The following TAFA1 variants were observed in gnomAD, a reference collection of about 807,000 sequenced individuals.
TAFA1 encodes chemokine-like protein TAFA-1.
A neutral mutation model predicts 18.5 loss-of-function variants in TAFA1; 4 were observed. The observed-to-expected ratio is 0.22, with a 90% CI of 0.11 to 0.49. The LOEUF is 0.49. TAFA1 is among the 20% of genes least tolerant of loss of function. The probability of loss-of-function intolerance (pLI) is 0.98; values close to 1 mark genes in which losing one functional copy is unlikely to be tolerated. For missense variants in TAFA1, 147 were observed against 169.0 expected (o/e 0.87, Z 0.72); for synonymous variants, 56 against 55.2 (o/e 1.01, Z -0.06).
chr3:68,476,164 C>A (rs1342928421), intron 3 of TAFA1, among the ~76,000 whole-genome samples: 1 of 152,132 alleles, frequency 6.6e-6, no homozygotes, highest in Non-Finnish European at 1.5e-5. Flanking sequence ...CCAAAACTGA[C>A]AAATAGGATC....
At chr3:68,085,470 A>G (rs555118376) in intron 2 of TAFA1, among the ~76,000 whole-genome samples, 14 of 152,320 alleles carry the variant, frequency 9.2e-5, no homozygotes, top group Admixed American at 2.6e-4. Flanking sequence ...TAATGCCTGA[A>G]TTAGAGTGGG....
chr3:68,485,069 A>G (rs1321237039), intron 3 of TAFA1, among the ~76,000 whole-genome samples: 2 of 152,224 alleles, frequency 1.3e-5, no homozygotes, highest in African/African-American at 4.8e-5. Context: ...CTGTATCTAC[A>G]CACAAAGTAG....
intron 2 of TAFA1, among the ~76,000 whole-genome samples, chr3:68,245,968 G>A (rs2067069563): frequency 6.6e-6 from 1 of 152,160 alleles, no homozygotes; most frequent in Non-Finnish European, 1.5e-5. Flanking sequence ...AGGTAATAAA[G>A]TGACTCAAAA....
chr3:68,221,956 C>T (rs542264066), intron 2 of TAFA1, among the ~76,000 whole-genome samples: 8 of 152,198 alleles, frequency 5.3e-5, no homozygotes, highest in Admixed American at 3.9e-4. Flanking sequence ...GGAATGGCAC[C>T]TGGAAGGTGT....
At chr3:68,268,134 C>T (rs1192422304) in intron 2 of TAFA1, among the ~76,000 whole-genome samples, 1 of 152,078 alleles carries the variant, frequency 6.6e-6, no homozygotes. Context: ...TCTTTTATAA[C>T]ATCATCTTCC....
At chr3:68,188,514 T>C (rs1180979365) in intron 2 of TAFA1, among the ~76,000 whole-genome samples, 1 of 147,024 alleles carries the variant, frequency 6.8e-6, no homozygotes, top group Non-Finnish European at 1.5e-5. Context: ...TATTTATATA[T>C]ATATATATAG....
chr3:68,312,909 G>T (rs112944875), intron 2 of TAFA1, among the ~76,000 whole-genome samples: 3,934 of 152,288 alleles, frequency 0.026, 90 homozygotes, highest in East Asian at 0.097. Context: ...TTGACTTACA[G>T]TTCCACATGG....
chr3:68,255,699 T>C (rs549872769), intron 2 of TAFA1, among the ~76,000 whole-genome samples: 2 of 152,200 alleles, frequency 1.3e-5, no homozygotes, highest in South Asian at 4.1e-4. Flanking sequence ...GTTTGTTTTA[T>C]GAAGGATAAT....
intron 2 of TAFA1, among the ~76,000 whole-genome samples, chr3:68,108,335 CA>C (rs932608682): frequency 8.6e-5 from 13 of 150,618 alleles, no homozygotes; most frequent in African/African-American, 2.2e-4. Flanking sequence ...GGTCCCAAGA[CA>C]AAAAAAAGAC....
intron 2 of TAFA1, among the ~76,000 whole-genome samples, chr3:68,038,206 A>C (rs1179393890): frequency 6.6e-6 from 1 of 152,136 alleles, no homozygotes; most frequent in Non-Finnish European, 1.5e-5. Flanking sequence ...ATTTCAGAAC[A>C]ATGAGTCTGA....
chr3:68,049,674 A>G (rs1575591278), intron 2 of TAFA1, among the ~76,000 whole-genome samples: 1 of 151,740 alleles, frequency 6.6e-6, no homozygotes, highest in Non-Finnish European at 1.5e-5. Context: ...TACAGATGTT[A>G]ATTTCTACGA....
chr3:68,149,655 G>T (rs868758008), intron 2 of TAFA1, among the ~76,000 whole-genome samples: 3 of 152,194 alleles, frequency 2.0e-5, no homozygotes, highest in African/African-American at 7.2e-5. Context: ...TACCAAGCCT[G>T]CCAGGAGGGA....
chr3:68,200,153 T>C (rs1284008896), intron 2 of TAFA1, among the ~76,000 whole-genome samples: 6 of 151,760 alleles, frequency 4.0e-5, no homozygotes, highest in African/African-American at 4.8e-5. Flanking sequence ...GATTTTCAAA[T>C]ATTGAATCAG....
intron 2 of TAFA1, among the ~76,000 whole-genome samples, chr3:68,356,726 G>A (rs567970597): frequency 2.7e-3 from 405 of 152,000 alleles, no homozygotes; most frequent in Non-Finnish European, 4.1e-3. Context: ...TTTGACTCAC[G>A]ATGATTGCTA....
intron 2 of TAFA1, among the ~76,000 whole-genome samples, chr3:68,381,403 C>A (rs571100289): frequency 1.3e-5 from 2 of 151,936 alleles, no homozygotes; most frequent in African/African-American, 2.4e-5. Flanking sequence ...TACCCATGAG[C>A]ATGGAATGTT....
chr3:68,441,744 A>G (rs1243319863), intron 3 of TAFA1, among the ~76,000 whole-genome samples: 1 of 152,066 alleles, frequency 6.6e-6, no homozygotes, highest in Non-Finnish European at 1.5e-5. Context: ...GGGCTTCATG[A>G]GGAGTTCCCT....
intron 2 of TAFA1, among the ~76,000 whole-genome samples, chr3:68,201,612 C>A (rs754491238): frequency 1.3e-5 from 2 of 151,738 alleles, no homozygotes; most frequent in African/African-American, 2.4e-5. Context: ...GAATTGACTT[C>A]TTTATCATTG....
chr3:68,378,728 G>A (rs1021193279), intron 2 of TAFA1, among the ~76,000 whole-genome samples: 3 of 152,116 alleles, frequency 2.0e-5, no homozygotes, highest in Non-Finnish European at 4.4e-5. Flanking sequence ...AGGGAGGGAG[G>A]TGATTGGATC....
At chr3:68,393,072 G>T (rs1239832136) in intron 2 of TAFA1, among the ~76,000 whole-genome samples, 1 of 151,944 alleles carries the variant, frequency 6.6e-6, no homozygotes, top group African/African-American at 2.4e-5. Flanking sequence ...CCAGGAGCTG[G>T]TTTTTGAAAA....
Sources: gnomAD v4.1 joint callset for allele counts (sites outside exome capture counted in the v4.1 genomes callset) on GRCh38, gnomAD v4.1.1 for gene constraint, MANE v1.5 for transcripts, NCBI Gene and HGNC (gene_info 2026-07-23, HGNC 2026-07-21) for gene names.